The following LINGO2 variants were observed in gnomAD, a reference collection of about 807,000 sequenced individuals.
LINGO2 encodes leucine-rich repeat and immunoglobulin-like domain-containing nogo receptor-interacting protein 2.
In LINGO2, 14 loss-of-function variants were observed where a neutral mutation model predicts 30.6. The ratio of observed to expected loss-of-function variants is 0.46; its 90% confidence interval spans 0.30 to 0.72. The LOEUF is 0.72. Among genes scored for constraint, LINGO2 ranks in the 30% least tolerant of loss-of-function variants. LINGO2 has a pLI of 0.07. For synonymous variants in LINGO2, 317 were observed against 288.5 expected, an observed-to-expected ratio of 1.10 and a Z score of -1.00; for missense variants, 729 against 751.7, an observed-to-expected ratio of 0.97 and a Z score of 0.35.
intron 4 of LINGO2, among the ~76,000 whole-genome samples, chr9:28,022,178 C>G (rs1228427365): frequency 6.6e-6 from 1 of 151,898 alleles, no homozygotes; most frequent in Non-Finnish European, 1.5e-5. Context: ...CTAATAAAGT[C>G]CAATTTCAAA....
chr9:28,292,941 T>A (rs1335505563), intron 4 of LINGO2, among the ~76,000 whole-genome samples: 1 of 151,868 alleles, frequency 6.6e-6, no homozygotes, highest in Non-Finnish European at 1.5e-5. Context: ...TGGATAACTT[T>A]TTTTGTATTT....
chr9:29,024,537 T>C, the LINGO2 span, among the ~76,000 whole-genome samples: 136 of 152,280 alleles, frequency 8.9e-4, 2 homozygotes, highest in East Asian at 0.024. Context: ...CTTCCTCATG[T>C]ACTTTTCAAT....
chr9:28,588,956 G>C (rs1252813514), intron 1 of LINGO2, among the ~76,000 whole-genome samples: 2 of 151,992 alleles, frequency 1.3e-5, no homozygotes, highest in African/African-American at 4.8e-5. Context: ...GAGGCAGTTT[G>C]GGCTGCCAAT....
chr9:28,864,557 A>G, the LINGO2 span, among the ~76,000 whole-genome samples: 1 of 152,126 alleles, frequency 6.6e-6, no homozygotes, highest in Admixed American at 6.6e-5. Context: ...CATAATATCA[A>G]TCAAGTAATT....
the LINGO2 span, among the ~76,000 whole-genome samples, chr9:28,752,249 T>C: frequency 2.0e-5 from 3 of 151,916 alleles, no homozygotes; most frequent in Admixed American, 1.3e-4. Flanking sequence ...ACAGGTAGAA[T>C]TACCCTATGA....
intron 4 of LINGO2, among the ~76,000 whole-genome samples, chr9:28,213,293 C>T (rs1039975101): frequency 6.6e-6 from 1 of 151,298 alleles, no homozygotes; most frequent in African/African-American, 2.4e-5. Context: ...TTAGGAACCC[C>T]TGTGTTTTTC....
chr9:28,007,478 T>C (rs142791578), intron 5 of LINGO2, among the ~76,000 whole-genome samples: 1,670 of 152,292 alleles, frequency 0.011, 23 homozygotes, highest in Non-Finnish European at 0.014. Context: ...TGTGAAAATG[T>C]CCTTTTAATT....
chr9:28,828,253 A>G, the LINGO2 span, among the ~76,000 whole-genome samples: 1 of 152,030 alleles, frequency 6.6e-6, no homozygotes. Flanking sequence ...CCATTTGGCA[A>G]TGTGGTTAAG....
At chr9:28,635,703 T>C (rs941235182) in intron 1 of LINGO2, among the ~76,000 whole-genome samples, 1 of 152,074 alleles carries the variant, frequency 6.6e-6, no homozygotes, top group Non-Finnish European at 1.5e-5. Flanking sequence ...TGACAAAAAA[T>C]TATTTCATAG....
chr9:29,008,480 T>C, the LINGO2 span, among the ~76,000 whole-genome samples: 4 of 152,212 alleles, frequency 2.6e-5, no homozygotes, highest in African/African-American at 4.8e-5. Flanking sequence ...TTTCCAGTTC[T>C]AGATCCTTGA....
At chr9:29,028,418 G>T in the LINGO2 span, among the ~76,000 whole-genome samples, 9 of 45,706 alleles carry the variant, frequency 2.0e-4, no homozygotes, top group East Asian at 2.1e-3. Flanking sequence ...TGGGTAGTGT[G>T]TGGGGGGGGG....
intron 4 of LINGO2, among the ~76,000 whole-genome samples, chr9:28,127,012 T>A (rs1827254793): frequency 6.6e-6 from 1 of 152,202 alleles, no homozygotes; most frequent in African/African-American, 2.4e-5. Context: ...GTACACACAA[T>A]CTTAAAATCA....
At chr9:28,950,741 A>G in the LINGO2 span, among the ~76,000 whole-genome samples, 1 of 152,206 alleles carries the variant, frequency 6.6e-6, no homozygotes, top group East Asian at 1.9e-4. Flanking sequence ...CAAGGAAATA[A>G]GAGAGGACAC....
chr9:28,353,617 T>C (rs1019611102), intron 3 of LINGO2, among the ~76,000 whole-genome samples: 4 of 151,894 alleles, frequency 2.6e-5, no homozygotes, highest in African/African-American at 9.7e-5. Flanking sequence ...GATCTAGAAC[T>C]AGAAATACCA....
At chr9:29,182,256 T>A in the LINGO2 span, among the ~76,000 whole-genome samples, 2 of 152,070 alleles carry the variant, frequency 1.3e-5, no homozygotes, top group African/African-American at 4.8e-5. Flanking sequence ...AACATATCTC[T>A]AACATAGCCA....
chr9:28,094,651 A>G (rs1417885129), intron 4 of LINGO2, among the ~76,000 whole-genome samples: 1 of 152,124 alleles, frequency 6.6e-6, no homozygotes, highest in Non-Finnish European at 1.5e-5. Flanking sequence ...AAAGGTGAAC[A>G]TAGACTTTTT....
At chr9:28,867,484 G>GAAA in the LINGO2 span, among the ~76,000 whole-genome samples, 1 of 104,798 alleles carries the variant, frequency 9.5e-6, no homozygotes, top group African/African-American at 3.3e-5. Flanking sequence ...TTCAAGTAAA[G>GAAA]AAAAAAAAAA....
the LINGO2 span, among the ~76,000 whole-genome samples, chr9:28,999,871 C>G: frequency 6.6e-6 from 1 of 151,336 alleles, no homozygotes; most frequent in East Asian, 2.0e-4. Context: ...CTGATACATT[C>G]CAATCCTCCG....
At chr9:28,049,076 G>A (rs1824553294) in intron 4 of LINGO2, among the ~76,000 whole-genome samples, 1 of 150,916 alleles carries the variant, frequency 6.6e-6, no homozygotes, top group Admixed American at 6.6e-5. Flanking sequence ...TTCCTCTTCT[G>A]TAACAGAGTA....
Sources: allele counts gnomAD v4.1 joint callset (sites outside exome capture counted in the v4.1 genomes callset), GRCh38; gene constraint gnomAD v4.1.1; transcripts MANE v1.5; gene names NCBI Gene and HGNC (gene_info 2026-07-23, HGNC 2026-07-21).